Variants in FOXP2 observed in about 807,000 individuals in gnomAD.
FOXP2 encodes the protein forkhead box protein P2.
A neutral mutation model predicts 115.8 loss-of-function variants in FOXP2; 12 were observed. The ratio of observed to expected loss-of-function variants is 0.10; its 90% CI spans 0.07 to 0.17. The LOEUF (loss-of-function observed/expected upper bound fraction) is 0.17, where lower values mean the gene tolerates loss of function less well. Among genes scored for constraint, FOXP2 ranks in the 10% least tolerant of loss-of-function variants. FOXP2 has a pLI of 1.00. For missense variants in FOXP2, 629 were observed against 843.5 expected (o/e 0.75, Z 3.15); for synonymous variants, 328 against 297.7 (o/e 1.10, Z -1.05).
chr7:114,642,664 G>C (rs1317603910), intron 7 of FOXP2, 41 bp downstream of exon 7: 5 of 1,575,028 alleles, frequency 3.2e-6, no homozygotes, highest in Non-Finnish European at 3.5e-6. Context: ...TCTATTTTCA[G>C]ATTTTATTTT....
chr7:114,248,294 T>C (rs1374936743), intron 1 of FOXP2, among the ~76,000 whole-genome samples: 1 of 151,862 alleles, frequency 6.6e-6, no homozygotes, highest in Non-Finnish European at 1.5e-5. Flanking sequence ...CACATCCACA[T>C]TGAGGAGACC....
At chr7:114,600,366 C>A (rs1802955571) in intron 3 of FOXP2, among the ~76,000 whole-genome samples, 2 of 151,942 alleles carry the variant, frequency 1.3e-5, no homozygotes, top group Non-Finnish European at 2.9e-5. Flanking sequence ...AGTTTTTTTT[C>A]ACTGAATGAT....
chr7:114,358,049 C>CT (rs1398297234), intron 2 of FOXP2, among the ~76,000 whole-genome samples: 1 of 152,150 alleles, frequency 6.6e-6, no homozygotes, highest in Non-Finnish European at 1.5e-5. Flanking sequence ...TGAATTGTAG[C>CT]TCCCATAATC....
In FOXP2 at chr7:114,530,346, C is replaced by CTGATT. The variant is rs1319664221; in HGVS notation, c.169-4270_169-4269insGATTT. Among the ~76,000 whole-genome samples, 8 of 151,914 alleles carry CTGATT rather than the reference C, an allele frequency of 5.3e-5. No homozygotes were observed. The East Asian group carries it at 1.5e-3, about 29-fold the overall frequency. ...TTATGTTTCAGAGAGATTTTGTAGC[C>CTGATT]TTCAGCTCTCAAGAATGTGTCACGC... On this transcript the variant is annotated intron_variant, in intron 2 of 16. Transcript: ENST00000350908.
At chr7:114,444,646 G>T (rs968865637) in intron 2 of FOXP2, among the ~76,000 whole-genome samples, 3 of 148,722 alleles carry the variant, frequency 2.0e-5, no homozygotes, top group Admixed American at 1.4e-4. Context: ...TATACTAACA[G>T]CATGTATAAG....
chr7:114,206,526 C>T (rs2129160794), intron 1 of FOXP2, among the ~76,000 whole-genome samples: 1 of 152,242 alleles, frequency 6.6e-6, no homozygotes, highest in Admixed American at 6.5e-5. Context: ...CCTTCCACGA[C>T]AATTCCATTT....
intron 2 of FOXP2, among the ~76,000 whole-genome samples, chr7:114,320,894 C>T (rs931987788): frequency 1.3e-5 from 2 of 152,178 alleles, no homozygotes; most frequent in African/African-American, 2.4e-5. Context: ...GCCCTACCTT[C>T]ATCAATAAGC....
At chr7:114,635,381 T>C (rs1036968444) in intron 6 of FOXP2, among the ~76,000 whole-genome samples, 1 of 152,146 alleles carries the variant, frequency 6.6e-6, no homozygotes, top group Non-Finnish European at 1.5e-5. Context: ...GCAAAAATAT[T>C]ACCATGTCAG....
intron 1 of FOXP2, among the ~76,000 whole-genome samples, chr7:114,137,035 T>G (rs1792059720): frequency 6.6e-6 from 1 of 152,092 alleles, no homozygotes; most frequent in Non-Finnish European, 1.5e-5. Context: ...AAAAACTTAA[T>G]GTGCTGTATG....
intron 2 of FOXP2, among the ~76,000 whole-genome samples, chr7:114,504,539 A>G (rs1797723956): frequency 6.6e-6 from 1 of 151,712 alleles, no homozygotes; most frequent in African/African-American, 2.4e-5. Context: ...AGTAAAATTT[A>G]CTAAAGTTAT....
At chr7:114,622,351 C>T (rs984115967) in intron 3 of FOXP2, among the ~76,000 whole-genome samples, 10 of 152,026 alleles carry the variant, frequency 6.6e-5, no homozygotes, top group Non-Finnish European at 1.5e-4. Context: ...TGGCAATTAT[C>T]ATGTCATATA....
At chr7:114,092,430 C>T (rs1241050726) in intron 1 of FOXP2, among the ~76,000 whole-genome samples, 1 of 151,594 alleles carries the variant, frequency 6.6e-6, no homozygotes, top group Non-Finnish European at 1.5e-5. Context: ...TATTTGATGG[C>T]ATTCTCTGTG....
At chr7:114,124,206 C>G (rs1007998706) in intron 1 of FOXP2, among the ~76,000 whole-genome samples, 3 of 151,594 alleles carry the variant, frequency 2.0e-5, no homozygotes, top group Non-Finnish European at 2.9e-5. Context: ...TACTGGAAAC[C>G]ACATAACACA....
chr7:114,584,778 T>C (rs1234737400), intron 3 of FOXP2, among the ~76,000 whole-genome samples: 1 of 152,182 alleles, frequency 6.6e-6, no homozygotes, highest in Non-Finnish European at 1.5e-5. Flanking sequence ...CTGGCTAAGG[T>C]ATTTTTATCT....
chr7:114,168,258 CAGA>C (rs1454759952), intron 1 of FOXP2, among the ~76,000 whole-genome samples: 1 of 152,102 alleles, frequency 6.6e-6, no homozygotes, highest in Non-Finnish European at 1.5e-5. Context: ...TTGGAGGGCT[CAGA>C]AGAAGACAGG....
intron 2 of FOXP2, among the ~76,000 whole-genome samples, chr7:114,471,834 C>G (rs1261396512): frequency 3.3e-5 from 5 of 151,642 alleles, no homozygotes; most frequent in African/African-American, 1.2e-4. Context: ...GTGGCGGGCA[C>G]CTGTAATCCC....
intron 7 of FOXP2, among the ~76,000 whole-genome samples, chr7:114,643,801 A>G (rs1396449112): frequency 6.6e-6 from 1 of 152,198 alleles, no homozygotes; most frequent in Middle Eastern, 3.2e-3. Flanking sequence ...AGGCTTATAT[A>G]TAGCTCCAAA....
At chr7:114,427,440 C>T (rs537232686) in intron 2 of FOXP2, among the ~76,000 whole-genome samples, 2 of 150,860 alleles carry the variant, frequency 1.3e-5, no homozygotes, top group Admixed American at 6.6e-5. Flanking sequence ...ATAGCCACTT[C>T]ATTCTTCACT....
chr7:114,121,319 C>T (rs775793433), intron 1 of FOXP2, among the ~76,000 whole-genome samples: 1 of 152,006 alleles, frequency 6.6e-6, no homozygotes, highest in Non-Finnish European at 1.5e-5. Flanking sequence ...CAGGCTGTTC[C>T]CCTGATCTCA....
Sources: gnomAD v4.1 joint callset for allele counts (sites outside exome capture counted in the v4.1 genomes callset) on GRCh38, gnomAD v4.1.1 for gene constraint, MANE v1.5 for transcripts, NCBI Gene and HGNC (gene_info 2026-07-23, HGNC 2026-07-21) for gene names.